The following USP48 variants were observed in gnomAD, a reference collection of about 807,000 sequenced individuals.
The protein encoded by USP48 is ubiquitin specific peptidase 48, also known as ubiquitin carboxyl-terminal hydrolase 48.
A neutral mutation model predicts 150.7 loss-of-function variants in USP48; 43 were observed. The ratio of observed to expected loss-of-function variants is 0.29; its 90% CI spans 0.22 to 0.37. The LOEUF is 0.37. USP48 is among the 10% of genes least tolerant of loss of function. The pLI, the probability that USP48 is intolerant of heterozygous loss-of-function variation, is 1.00. For synonymous variants in USP48, 396 were observed against 425.9 expected (o/e 0.93, Z 0.86); for missense variants, 813 against 1,249.6 (o/e 0.65, Z 5.27).
chr1:21,723,973 A>T lies in USP48; in HGVS notation c.1573T>A (p.Ser525Thr), dbSNP rs145929456. 2.7e-4 allele frequency: 437 copies of T among 1,613,966 alleles called. No individual in the cohort carries two copies. Among genetic ancestry groups the T allele is most frequent in the Non-Finnish European group, 3.3e-4 (384 of 1,180,024 alleles). The change falls in exon 12 of 27, where the codon TCA becomes ACA. Residue 525 changes from serine (S) to threonine (T), a missense_variant. Ser to Thr is a moderately conservative substitution (Grantham distance 58). Transcript: ENST00000308271. ...TATTCAGATATCCTCTTCATAATTGATATTTTATCCGGGTGAAGCTTGTCA... is the reference window on the plus strand; with the variant it reads ...TATTCAGATATCCTCTTCATAATTGTTATTTTATCCGGGTGAAGCTTGTCA... ...SHDKLHPDKI[S>T]IMKRISEYAA... is the part of the protein sequence containing the mutation.
intron 1 of USP48, among the ~76,000 whole-genome samples, chr1:21,779,979 T>C (rs2152661410): frequency 6.6e-6 from 1 of 152,282 alleles, no homozygotes; most frequent in Middle Eastern, 3.4e-3. Context: ...GGAATGTAAA[T>C]CGGTACAACC....
At chr1:21,761,243 A>C (rs887803482) in intron 1 of USP48, among the ~76,000 whole-genome samples, 4 of 152,030 alleles carry the variant, frequency 2.6e-5, no homozygotes, top group African/African-American at 9.7e-5. Context: ...GGCAAAGATT[A>C]TCTCTGTACT....
chr1:21,740,112 T>C (rs751983147), intron 8 of USP48, among the ~76,000 whole-genome samples: 8 of 152,232 alleles, frequency 5.3e-5, no homozygotes, highest in Non-Finnish European at 1.0e-4. Flanking sequence ...CGTTTCTCCA[T>C]GTTGGTCAGG....
chr1:21,699,131 G>C (rs1016938105), intron 22 of USP48, among the ~76,000 whole-genome samples: 1 of 149,792 alleles, frequency 6.7e-6, no homozygotes, highest in African/African-American at 2.5e-5. Flanking sequence ...CCAGGTTGAA[G>C]CAATTCTCAT....
rs1051232090 is a variant in USP48, at chr1:21,710,734, AATG to A, written c.1964-3869_1964-3867del. Among the ~76,000 whole-genome samples the A allele has an allele frequency of 1.9e-3, 287 of 152,258 alleles. 1 individual carries two copies. The highest frequency in any genetic ancestry group is 6.6e-3 in the African/African-American group (273 of 41,564). ...TTAAATCAAGGACTTTCCAGGTTAAAATGATGTTTAAAACTGCATTTACTTTAA... is the reference window on the plus strand; with the variant it reads ...TTAAATCAAGGACTTTCCAGGTTAAAATGTTTAAAACTGCATTTACTTTAA... On this transcript the variant is annotated intron_variant, in intron 15 of 26. Coordinates refer to ENST00000308271, the MANE Select transcript of USP48 (RefSeq NM_032236.8).
intron 15 of USP48, among the ~76,000 whole-genome samples, chr1:21,714,766 T>C (rs2097699821): frequency 6.6e-6 from 1 of 152,140 alleles, no homozygotes; most frequent in Non-Finnish European, 1.5e-5. Flanking sequence ...AACCAATACA[T>C]AGGATTAAAT....
intron 22 of USP48, 135 bp downstream of exon 22, chr1:21,701,363 C>CT: frequency 1.8e-6 from 1 of 550,684 alleles, no homozygotes; most frequent in Non-Finnish European, 3.0e-6. Flanking sequence ...GAGACTCCAT[C>CT]TCAAAAAAAA....
At chr1:21,720,593 T>C (rs2097717764) in intron 14 of USP48, among the ~76,000 whole-genome samples, 1 of 151,788 alleles carries the variant, frequency 6.6e-6, no homozygotes, top group South Asian at 2.1e-4. Context: ...AGTGGCGCAA[T>C]CTTGGGTCAT....
chr1:21,730,948 A>C (rs1256543602), intron 9 of USP48, among the ~76,000 whole-genome samples: 2 of 151,748 alleles, frequency 1.3e-5, no homozygotes, highest in Non-Finnish European at 2.9e-5. Flanking sequence ...TTTAGTAGAG[A>C]GAAGATTTCA....
At chr1:21,735,174 C>T (rs1192897719) in intron 9 of USP48, among the ~76,000 whole-genome samples, 1 of 152,208 alleles carries the variant, frequency 6.6e-6, no homozygotes, top group East Asian at 1.9e-4. Flanking sequence ...CATGATCCTC[C>T]CCTACCCACT....
chr1:21,717,685 C>T (rs1048317344), intron 14 of USP48, among the ~76,000 whole-genome samples: 6 of 152,098 alleles, frequency 3.9e-5, no homozygotes, highest in African/African-American at 7.2e-5. Context: ...CTGCCGGGCA[C>T]GGTGGCTCAT....
intron 7 of USP48, among the ~76,000 whole-genome samples, chr1:21,747,855 G>A (rs150784973): frequency 0.014 from 2,206 of 152,284 alleles, 22 homozygotes; most frequent in Non-Finnish European, 0.022. Context: ...TTACAGGCGT[G>A]AGCCACCGCA....
intron 8 of USP48, among the ~76,000 whole-genome samples, chr1:21,741,478 CAAT>C (rs2097781505): frequency 6.6e-6 from 1 of 152,070 alleles, no homozygotes; most frequent in Admixed American, 6.6e-5. Flanking sequence ...CACTTTCAGA[CAAT>C]AATATGTGAA....
At position 21,721,269 on chromosome 1, in the gene USP48, C is replaced by T. The variant is rs2097720137; in HGVS notation, c.1764-103G>A. 6.2e-6 allele frequency: 9 copies of T among 1,454,000 alleles called. No individual in the cohort carries two copies. In the African/African-American group the frequency reaches 1.1e-4, roughly 18 times the overall value. 90.1% of individuals were successfully genotyped at this position (1,454,000 alleles called of 1,614,324 possible). On this transcript the variant is annotated intron_variant, in intron 13 of 26. Coordinates refer to ENST00000308271, the MANE Select transcript of USP48 (RefSeq NM_032236.8). ...ACTAAAGTGAATTACAAACACTCAA[C>T]ATCAGCTACTGTACATGTAATTGAT...
At position 21,758,755 on chromosome 1, in the gene USP48, A is replaced by AAATG. The variant is rs71569846; in HGVS notation, c.135-976_135-973dup. ...ACAGAGCAAGACTCTGTCTTGGAAA[A>AAATG]AATGAATGAATGAATGAATGAATGA... On this transcript the variant is annotated intron_variant, in intron 1 of 26. Coordinates refer to ENST00000308271, the MANE Select transcript of USP48 (RefSeq NM_032236.8). 2.9e-3 allele frequency among the ~76,000 whole-genome samples: 441 copies of AAATG among 149,994 alleles called. 2 individuals carry two copies. In the East Asian group the frequency reaches 0.034, roughly 12 times the overall value.
chr1:21,773,564 A>G (rs2097888535), intron 1 of USP48, among the ~76,000 whole-genome samples: 1 of 152,186 alleles, frequency 6.6e-6, no homozygotes, highest in Non-Finnish European at 1.5e-5. Flanking sequence ...TGAAAATAAG[A>G]TGCTATTTTT....
Position 21,736,536 on chromosome 1 carries a change from G to T in USP48, c.1081C>A (p.Pro361Thr), listed in dbSNP as rs934040447. 3.8e-6 allele frequency: 6 copies of T among 1,598,964 alleles called. No homozygotes were observed. Among genetic ancestry groups the T allele is most frequent in the Admixed American group, 1.8e-5 (1 of 56,598 alleles). The change falls in exon 9 of 27, where the codon CCA becomes ACA. Residue 361 changes from proline (P) to threonine (T), a missense_variant. By Grantham distance (38) the Pro-to-Thr change is conservative. Coordinates refer to ENST00000308271, the MANE Select transcript of USP48 (RefSeq NM_032236.8). ...AACTTATACCATTCACCAGACTGTG[G>T]ATCTTTCACGTGGGCGATGTAGTGG... is the stretch of plus-strand genomic sequence containing the variant. ...SGHYIAHVKDPQSGEWYKFND... is the reference protein window; with the variant it reads ...SGHYIAHVKDTQSGEWYKFND...
intron 8 of USP48, among the ~76,000 whole-genome samples, chr1:21,739,518 CAAAAAAAAA>C (rs61410306): frequency 2.0e-4 from 13 of 66,320 alleles, no homozygotes; most frequent in African/African-American, 7.2e-4. Flanking sequence ...GACTCCGTCT[CAAAAAAAAA>C]AAAAAAAAAA....
At chr1:21,740,632 C>A (rs112008313) in intron 8 of USP48, among the ~76,000 whole-genome samples, 72 of 152,096 alleles carry the variant, frequency 4.7e-4, no homozygotes, top group Non-Finnish European at 9.1e-4. Flanking sequence ...TGAGTACCAT[C>A]AAAACACACA....
Sources: gnomAD v4.1 joint callset for allele counts (sites outside exome capture counted in the v4.1 genomes callset) on GRCh38, gnomAD v4.1.1 for gene constraint, MANE v1.5 for transcripts, NCBI Gene and HGNC (gene_info 2026-07-23, HGNC 2026-07-21) for gene names.